The following PTGER3 variants were observed in gnomAD, a reference collection of about 807,000 sequenced individuals.
PTGER3 encodes prostaglandin E2 receptor EP3 subtype.
Under a neutral mutation model 34.7 loss-of-function variants are expected in PTGER3, and 22 were observed. The ratio of observed to expected loss-of-function variants is 0.63; its 90% CI spans 0.45 to 0.91. The LOEUF (loss-of-function observed/expected upper bound fraction) is 0.91, where lower values mean the gene tolerates loss of function less well. PTGER3 is among the 40% of genes least tolerant of loss of function. The probability of loss-of-function intolerance (pLI) is 0.00; values close to 1 mark genes in which losing one functional copy is unlikely to be tolerated. For missense variants in PTGER3, 468 were observed against 519.4 expected (o/e 0.90, Z 0.96); for synonymous variants, 241 against 230.1 (o/e 1.05, Z -0.43).
At chr1:70,964,291 A>G (rs1327778795) in intron 2 of PTGER3, among the ~76,000 whole-genome samples, 1 of 152,130 alleles carries the variant, frequency 6.6e-6, no homozygotes, top group Non-Finnish European at 1.5e-5. Flanking sequence ...CCCAGTTCCA[A>G]ACTTGTTTCC....
chr1:70,869,798 C>A (rs1381394187), intron 4 of PTGER3, among the ~76,000 whole-genome samples: 2 of 152,206 alleles, frequency 1.3e-5, no homozygotes, highest in African/African-American at 4.8e-5. Flanking sequence ...CCTTTGGCAG[C>A]TCTGGCCTGT....
At chr1:71,016,977 TATC>T (rs1293136259) in intron 1 of PTGER3, among the ~76,000 whole-genome samples, 2 of 152,120 alleles carry the variant, frequency 1.3e-5, no homozygotes, top group African/African-American at 4.8e-5. Flanking sequence ...CTGGCTGGCT[TATC>T]ATCCTATGAG....
At chr1:70,938,858 C>T (rs1649491316) in intron 4 of PTGER3, among the ~76,000 whole-genome samples, 2 of 152,142 alleles carry the variant, frequency 1.3e-5, no homozygotes, top group Non-Finnish European at 2.9e-5. Flanking sequence ...TGGGTAGGGA[C>T]ATGGCCAAAC....
chr1:70,914,385 G>A (rs1647129061), intron 4 of PTGER3, among the ~76,000 whole-genome samples: 6 of 151,730 alleles, frequency 4.0e-5, no homozygotes, highest in Non-Finnish European at 8.8e-5. Flanking sequence ...CTCAGTAAAT[G>A]GTTGTCATAT....
At chr1:70,933,083 C>T (rs1648873589) in intron 4 of PTGER3, among the ~76,000 whole-genome samples, 1 of 151,946 alleles carries the variant, frequency 6.6e-6, no homozygotes, top group Non-Finnish European at 1.5e-5. Flanking sequence ...ATAACTAGAC[C>T]ATGAGCTCCT....
chr1:71,009,700 T>C (rs1657276136), intron 2 of PTGER3: 1 of 985,116 alleles, frequency 1.0e-6, no homozygotes, highest in African/African-American at 1.7e-5. Context: ...TTAATTGTCT[T>C]TTAACCAATA....
At position 71,047,233 on chromosome 1, in the gene PTGER3, C is replaced by G; in HGVS notation, c.345G>C (p.Leu115=). ...CGATGTGCTCCCAACGCTGCTTGGA[C>G]AGGTACACGACGATGACGACCGGGG... ...LTTPVVIVVY[L]SKQRWEHIDP... Residue 115 remains leucine, a synonymous_variant, in exon 1 of 4, where the codon CTG becomes CTC. Transcript: ENST00000306666. The G allele has an allele frequency of 6.3e-7, 1 of 1,596,694 alleles. No individual in the cohort carries two copies. The highest frequency in any genetic ancestry group is 8.5e-7 in the Non-Finnish European group (1 of 1,171,978).
chr1:71,040,775 T>C (rs1381312138), intron 1 of PTGER3, among the ~76,000 whole-genome samples: 1 of 152,022 alleles, frequency 6.6e-6, no homozygotes, highest in African/African-American at 2.4e-5. Flanking sequence ...TCCAATGAAG[T>C]GTGACTCAGA....
chr1:71,041,878 A>G (rs1423142917), intron 1 of PTGER3, among the ~76,000 whole-genome samples: 1 of 152,220 alleles, frequency 6.6e-6, no homozygotes, highest in African/African-American at 2.4e-5. Flanking sequence ...GCAAGGGCAG[A>G]ACCAAAAACT....
At chr1:70,982,309 T>G (rs141818135) in intron 2 of PTGER3, among the ~76,000 whole-genome samples, 2 of 152,158 alleles carry the variant, frequency 1.3e-5, no homozygotes, top group Admixed American at 1.3e-4. Flanking sequence ...TGCCTCTCAC[T>G]TTGGGAATAT....
chr1:70,973,058 C>T (rs1008579929), intron 3 of PTGER3, among the ~76,000 whole-genome samples: 4 of 114,176 alleles, frequency 3.5e-5, no homozygotes, highest in African/African-American at 1.1e-4. Context: ...TATCTCTCTT[C>T]GTTTCCCTTC....
At chr1:70,998,612 G>C (rs1656191990) in intron 2 of PTGER3, among the ~76,000 whole-genome samples, 1 of 152,154 alleles carries the variant, frequency 6.6e-6, no homozygotes, top group Non-Finnish European at 1.5e-5. Context: ...TAAGAACCAA[G>C]TTGTTACTGC....
At chr1:70,902,066 C>A (rs116720788) in intron 4 of PTGER3, among the ~76,000 whole-genome samples, 3 of 151,306 alleles carry the variant, frequency 2.0e-5, no homozygotes, top group East Asian at 1.9e-4. Flanking sequence ...ACTCTCCACC[C>A]GAAAAAAATA....
chr1:70,887,471 C>G (rs1217432765), intron 4 of PTGER3, among the ~76,000 whole-genome samples: 1 of 152,130 alleles, frequency 6.6e-6, no homozygotes, highest in Admixed American at 6.6e-5. Context: ...TCCTGCCTCC[C>G]CCATTTTTGG....
chr1:70,939,957 G>A (rs1649603153), intron 4 of PTGER3, among the ~76,000 whole-genome samples: 1 of 152,152 alleles, frequency 6.6e-6, no homozygotes, highest in South Asian at 2.1e-4. Context: ...TCCAGAAGAT[G>A]GATTTTTCTT....
chr1:70,868,352 G>A (rs1646090321), intron 4 of PTGER3, among the ~76,000 whole-genome samples: 1 of 152,040 alleles, frequency 6.6e-6, no homozygotes, highest in Non-Finnish European at 1.5e-5. Context: ...ATTGTCTATT[G>A]CCTTATTGTT....
Position 71,047,720 on chromosome 1 carries a change from T to A in PTGER3, c.-143A>T. ...ATGGTGCGGGGCGCAGCCGCCGCCC[T>A]ACTCCGCTGCTGGGACCGCGGCCGC... On this transcript the variant is annotated 5_prime_UTR_variant, in exon 1 of 4. Transcript: ENST00000306666. 2 of 897,804 alleles carry A rather than the reference T, an allele frequency of 2.2e-6. No homozygotes were observed. The highest frequency in any genetic ancestry group is 3.0e-6 in the Non-Finnish European group (2 of 667,282). The allele number at this position is 897,804 out of a possible 1,614,324, so 55.6% of individuals were successfully genotyped here. A position where few individuals can be genotyped will look rare whatever the true frequency, so the allele number is the denominator to read the frequency against.
chr1:70,929,623 A>G (rs1221828910), intron 4 of PTGER3, among the ~76,000 whole-genome samples: 1 of 152,190 alleles, frequency 6.6e-6, no homozygotes, highest in Non-Finnish European at 1.5e-5. Flanking sequence ...GTGAAAAGAT[A>G]ATCCCCTACC....
chr1:71,040,220 A>C (rs1206678911), intron 1 of PTGER3, among the ~76,000 whole-genome samples: 1 of 152,104 alleles, frequency 6.6e-6, no homozygotes, highest in Non-Finnish European at 1.5e-5. Flanking sequence ...GGAAGGGTTC[A>C]TAAAGTTATC....
Sources: allele counts gnomAD v4.1 joint callset (sites outside exome capture counted in the v4.1 genomes callset), GRCh38; gene constraint gnomAD v4.1.1; transcripts MANE v1.5; gene names NCBI Gene and HGNC (gene_info 2026-07-23, HGNC 2026-07-21).